Variants in TESMIN observed in about 807,000 individuals in gnomAD.
The protein encoded by TESMIN is testis expressed metallothionein like protein, also known as CXC domain containing 2.
In TESMIN, 34 loss-of-function variants were observed where a neutral mutation model predicts 47.4. The observed-to-expected ratio is 0.72, with a 90% CI of 0.55 to 0.96. The LOEUF is 0.96. TESMIN is among the 40% of genes least tolerant of loss of function. The probability of loss-of-function intolerance (pLI) is 0.00; values close to 1 mark genes in which losing one functional copy is unlikely to be tolerated. For missense variants in TESMIN, 610 were observed against 637.2 expected (o/e 0.96, Z 0.46); for synonymous variants, 278 against 258.9 (o/e 1.07, Z -0.71).
At chr11:68,738,395 T>C (rs535483218) in intron 6 of TESMIN, 2 of 1,117,730 alleles carry the variant, frequency 1.8e-6, no homozygotes, top group Admixed American at 4.6e-5. Flanking sequence ...TGAATCAACA[T>C]GGAATGAAGA....
rs1331953143 is a variant in TESMIN at position 68,750,626 on chromosome 11, C to T, written c.35G>A (p.Ser12Asn). The stretch of plus-strand genomic sequence containing the variant: ...CTCCGTCACCATCGCATCCTCGGGG[C>T]TGGGCAGCCCGCCCGGCAGAGGGCC... ...EEGPLPGGLPSPEDAMVTELL... is the reference protein window; with the variant it reads ...EEGPLPGGLPNPEDAMVTELL... Residue 12 changes from serine to asparagine, a missense_variant, in exon 2 of 10, where the codon AGC becomes AAC. Physicochemically the swap from Ser to Asn is conservative, Grantham distance 46. Coordinates refer to ENST00000255087, the MANE Select transcript of TESMIN (RefSeq NM_004923.3). 7 of 1,577,982 alleles carry T rather than the reference C, an allele frequency of 4.4e-6. No homozygotes were observed. Among genetic ancestry groups the T allele is most frequent in the Non-Finnish European group, 6.0e-6 (7 of 1,160,238 alleles).
chr11:68,721,603 G>T (rs1946204801), intron 6 of TESMIN, among the ~76,000 whole-genome samples: 2 of 152,140 alleles, frequency 1.3e-5, no homozygotes, highest in Admixed American at 6.5e-5. Context: ...GAGATCATGG[G>T]CATTCAAAAA....
chr11:68,736,859 G>A (rs1325751168), intron 6 of TESMIN: 16 of 985,244 alleles, frequency 1.6e-5, no homozygotes, highest in Non-Finnish European at 1.9e-5. Context: ...GAGAGGAAAA[G>A]GGGGAAAAGG....
chr11:68,745,020 T>C lies in TESMIN; in HGVS notation c.722A>G (p.Tyr241Cys), dbSNP rs1353543185. The stretch of plus-strand genomic sequence containing the variant: ...CTGTAGATAATTATTTTGATCTTGA[T>C]ACTGAGGAACCAAATGGAGTGCTTT... Reference protein sequence around the residue: ...ELKALHLVPQYQDQNNYLQSD... With the variant: ...ELKALHLVPQCQDQNNYLQSD... The change falls in exon 4 of 10, where the codon TAT becomes TGT. Residue 241 changes from tyrosine (Y) to cysteine (C), a missense_variant. Tyr to Cys is a radical substitution (Grantham distance 194). Coordinates refer to ENST00000255087, the MANE Select transcript of TESMIN (RefSeq NM_004923.3). 3 of 1,583,670 alleles carry C rather than the reference T, an allele frequency of 1.9e-6. No homozygotes were observed. Among genetic ancestry groups the C allele is most frequent in the Non-Finnish European group, 2.6e-6 (3 of 1,170,380 alleles).
rs1172945206 is a variant in TESMIN at position 68,742,485 on chromosome 11, A to G, written c.752-91T>C. 6.8e-6 allele frequency: 5 copies of G among 730,940 alleles called. No homozygotes were observed. The Admixed American group carries it at 9.2e-5, about 13-fold the overall frequency. 45.3% of individuals were successfully genotyped at this position (730,940 alleles called of 1,614,324 possible). On this transcript the variant is annotated intron_variant, in intron 4 of 9. Transcript: ENST00000255087. Reference sequence around the variant, plus strand: ...GAAAGTACAAAAGTCTGTTATGGACATGTCCTGTGCAAAGTTATTTCAACT... The same window carrying G: ...GAAAGTACAAAAGTCTGTTATGGACGTGTCCTGTGCAAAGTTATTTCAACT...
intron 8 of TESMIN, among the ~76,000 whole-genome samples, chr11:68,711,546 T>C (rs1360342457): frequency 6.6e-6 from 1 of 151,806 alleles, no homozygotes; most frequent in Non-Finnish European, 1.5e-5. Flanking sequence ...TGGGTGTGAG[T>C]CCCAAGCAGA....
chr11:68,721,901 T>C (rs984040168), intron 6 of TESMIN, among the ~76,000 whole-genome samples: 15 of 152,160 alleles, frequency 9.9e-5, no homozygotes, highest in African/African-American at 3.6e-4. Flanking sequence ...TATAAAATGG[T>C]ATGGCCACTA....
At chr11:68,711,796 T>C (rs1000433307) in intron 8 of TESMIN, among the ~76,000 whole-genome samples, 2 of 152,042 alleles carry the variant, frequency 1.3e-5, no homozygotes, top group African/African-American at 4.8e-5. Context: ...TGCTGCCTTG[T>C]GGGTGGATTT....
At chr11:68,724,716 C>T (rs192410216) in intron 6 of TESMIN, among the ~76,000 whole-genome samples, 49 of 152,270 alleles carry the variant, frequency 3.2e-4, no homozygotes, top group Non-Finnish European at 6.0e-4. Context: ...GCAAGCCCTC[C>T]ATTGAAGATG....
chr11:68,709,207 C>T (rs1040468280), intron 9 of TESMIN, among the ~76,000 whole-genome samples: 14 of 152,334 alleles, frequency 9.2e-5, no homozygotes, highest in South Asian at 2.1e-4. Context: ...GATTCACTGA[C>T]GAACCCAGAG....
At chr11:68,717,660 C>T (rs751462399) in intron 6 of TESMIN, among the ~76,000 whole-genome samples, 65 of 152,150 alleles carry the variant, frequency 4.3e-4, no homozygotes, top group Non-Finnish European at 5.3e-4. Context: ...GAAGGAGCTT[C>T]GGAAGGCTCT....
At chr11:68,731,770 G>A (rs1017583336) in intron 6 of TESMIN, among the ~76,000 whole-genome samples, 4 of 152,196 alleles carry the variant, frequency 2.6e-5, no homozygotes, top group African/African-American at 9.7e-5. Flanking sequence ...GAGGTCAGGG[G>A]TCTGCCACCA....
chr11:68,742,535 T>C (rs1484242759), intron 4 of TESMIN, 141 bp from the exon 5 acceptor site: 6 of 544,174 alleles, frequency 1.1e-5, no homozygotes, highest in Non-Finnish European at 1.9e-5. Context: ...TTACGCATTT[T>C]ATTCTCTAAA....
At position 68,750,292 on chromosome 11, in the gene TESMIN, G is replaced by C. The variant is rs747111907; in HGVS notation, c.369C>G (p.His123Gln). The C allele has an allele frequency of 8.4e-6, 13 of 1,550,676 alleles. No homozygotes were observed. The highest frequency in any genetic ancestry group is 1.7e-4 in the Middle Eastern group (1 of 5,834). The change falls in exon 2 of 10, where the codon CAC becomes CAG. Residue 123 changes from histidine to glutamine, a missense_variant. By Grantham distance (24) the His-to-Gln change is conservative (BLOSUM62 0). Transcript: ENST00000255087. ...GCGCGGGTAGCAGCGAGGACAGGAA[G>C]TGCACGTTGCAGGCGGGCGGCTGCG... Reference protein sequence around the residue: ...QAPQPPACNVHFLSSLLPAHR... With the variant: ...QAPQPPACNVQFLSSLLPAHR...
intron 1 of TESMIN, among the ~76,000 whole-genome samples, 196 bp from the exon 2 acceptor site, chr11:68,750,895 A>T: frequency 5.4e-4 from 2 of 3,678 alleles, no homozygotes; most frequent in African/African-American, 1.1e-3. Flanking sequence ...CGACCAGGTG[A>T]GGGGGTCAGG....
intron 6 of TESMIN, among the ~76,000 whole-genome samples, chr11:68,725,799 T>G (rs370250585): frequency 4.7e-4 from 71 of 152,312 alleles, no homozygotes; most frequent in African/African-American, 1.3e-3. Context: ...AAACTCATTC[T>G]TAATTCATTG....
At chr11:68,741,829 C>G (rs913411562) in intron 5 of TESMIN, among the ~76,000 whole-genome samples, 1 of 152,238 alleles carries the variant, frequency 6.6e-6, no homozygotes, top group Non-Finnish European at 1.5e-5. Flanking sequence ...TGGACGTCTA[C>G]GCTGGGGAGT....
At chr11:68,712,105 A>C (rs530230881) in intron 8 of TESMIN, among the ~76,000 whole-genome samples, 28 of 152,356 alleles carry the variant, frequency 1.8e-4, no homozygotes, top group African/African-American at 6.0e-4. Flanking sequence ...AGTCTACACG[A>C]ATGCCAGAGA....
In TESMIN at chr11:68,742,364, C is replaced by T; in HGVS notation, c.782G>A (p.Gly261Glu). 1 of 1,602,780 alleles carries T rather than the reference C, an allele frequency of 6.2e-7. No homozygotes were observed. Reference sequence around the variant, plus strand: ...TTTTGTTGATGCTGGCAAAAATCTCCCTACTAAAGCAGTCATTGGTTTAGG... The same window carrying T: ...TTTTGTTGATGCTGGCAAAAATCTCTCTACTAAAGCAGTCATTGGTTTAGG... Reference protein sequence around the residue: ...DVPKPMTALVGRFLPASTKLN... With the variant: ...DVPKPMTALVERFLPASTKLN... Residue 261 changes from glycine (G) to glutamate (E), a missense_variant, in exon 5 of 10, where the codon GGG (glycine) becomes GAG (glutamate). Gly to Glu is a moderately conservative substitution (Grantham distance 98). Coordinates refer to ENST00000255087, the MANE Select transcript of TESMIN (RefSeq NM_004923.3).
Sources: gnomAD v4.1 joint callset for allele counts (sites outside exome capture counted in the v4.1 genomes callset) on GRCh38, gnomAD v4.1.1 for gene constraint, MANE v1.5 for transcripts, NCBI Gene and HGNC (gene_info 2026-07-23, HGNC 2026-07-21) for gene names.